ZNF841: variants seen among roughly 807,000 people sequenced by gnomAD.
ZNF841 encodes zinc finger protein 841.
ZNF841 carries 11 observed loss-of-function variants against 13.0 expected under a neutral mutation model. The ratio of observed to expected loss-of-function variants is 0.85; its 90% CI spans 0.53 to 1.40. The LOEUF is 1.40. ZNF841 is among the 40% of genes most tolerant of loss of function. The pLI is 0.00. For synonymous variants in ZNF841, 369 were observed against 381.6 expected (o/e 0.97, Z 0.38); for missense variants, 1,068 against 1,139.5 (o/e 0.94, Z 0.90).
In ZNF841 at chr19:52,067,406, TG is replaced by T. The variant is rs1568536668; in HGVS notation, c.475del (p.His159IlefsTer17). The T allele has an allele frequency of 6.5e-7, 1 of 1,546,544 alleles. No homozygotes were observed. Among genetic ancestry groups the T allele is most frequent in the African/African-American group, 1.4e-5 (1 of 72,642 alleles). On this transcript the variant is annotated frameshift_variant, in exon 7 of 7. Coordinates refer to ENST00000594440, the MANE Select transcript of ZNF841 (RefSeq NM_001136499.2). LOFTEE classifies it low-confidence loss of function (END_TRUNC). The stretch of plus-strand genomic sequence containing the variant: ...TCTTTGACCAGTAAGATTGTTTTTA[TG>T]GGTCATCGGCCCTTCTTTATAATTT... ...EINYKEGPMT[H>X]KNNLTGQRVR... is the part of the protein sequence containing the mutation.
chr19:52,090,378 T>C (rs769424607), intron 2 of ZNF841, among the ~76,000 whole-genome samples: 45 of 151,792 alleles, frequency 3.0e-4, no homozygotes, highest in Non-Finnish European at 6.0e-4. Context: ...CTGGGCAACA[T>C]AGTGAGACTC....
At chr19:52,079,883 A>C (rs2088038686) in intron 4 of ZNF841, among the ~76,000 whole-genome samples, 2 of 151,052 alleles carry the variant, frequency 1.3e-5, no homozygotes, top group Admixed American at 1.3e-4. Context: ...CCCAGCTACT[A>C]GGGAGGCTGA....
chr19:52,082,026 G>C (rs972631215), intron 4 of ZNF841, among the ~76,000 whole-genome samples: 3 of 152,120 alleles, frequency 2.0e-5, no homozygotes, highest in African/African-American at 7.2e-5. Context: ...GAAAAATAAA[G>C]AGAGTCTAAA....
intron 2 of ZNF841, among the ~76,000 whole-genome samples, 160 bp downstream of exon 2, chr19:52,093,686 A>T (rs1305576469): frequency 6.6e-6 from 1 of 152,240 alleles, no homozygotes; most frequent in African/African-American, 2.4e-5. Flanking sequence ...GATGCCACCA[A>T]ATCTTATTTC....
chr19:52,078,544 A>T (rs566523248), intron 4 of ZNF841, among the ~76,000 whole-genome samples: 314 of 151,722 alleles, frequency 2.1e-3, no homozygotes, highest in Non-Finnish European at 3.3e-3. Context: ...CTAAAAATAC[A>T]AAAAATTAGC....
Position 52,067,590 on chromosome 19 carries a change from T to C in ZNF841, c.292A>G (p.Ile98Val), listed in dbSNP as rs1205017160. ...TTCTGTATTGGTGGTAATTCCTTGA[T>C]CACACATTTAGGAGAGATACCTGCA... ...VITGISPKCVIKELPPIQNSN... is the reference protein window; with the variant it reads ...VITGISPKCVVKELPPIQNSN... The change falls in exon 7 of 7, where the codon ATC becomes GTC. Residue 98 changes from isoleucine (I) to valine (V), a missense_variant. By Grantham distance (29) the Ile-to-Val change is conservative. Transcript: ENST00000594440. 4 of 1,543,804 alleles carry C rather than the reference T, an allele frequency of 2.6e-6. No individual in the cohort carries two copies. Among genetic ancestry groups the C allele is most frequent in the Non-Finnish European group, 3.5e-6 (4 of 1,150,454 alleles).
chr19:52,086,690 T>C (rs1339963597), intron 3 of ZNF841, among the ~76,000 whole-genome samples: 1 of 152,130 alleles, frequency 6.6e-6, no homozygotes, highest in Non-Finnish European at 1.5e-5. Context: ...CATTCCCACA[T>C]TGGGAAACAT....
rs966552028 is a variant in ZNF841 at position 52,092,462 on chromosome 19, C to T, written c.-144+1384G>A. Among the ~76,000 whole-genome samples the T allele has an allele frequency of 8.5e-5, 13 of 152,176 alleles. No homozygotes were observed. In the East Asian group the frequency reaches 2.1e-3, roughly 25 times the overall value. On this transcript the variant is annotated intron_variant, in intron 2 of 6. Coordinates refer to ENST00000594440, the MANE Select transcript of ZNF841 (RefSeq NM_001136499.2). The stretch of plus-strand genomic sequence containing the variant: ...ATAAGCTATCACCTCATACCTCTTA[C>T]GAAGGCTATTTTAAATAGGCAAGAG...
chr19:52,095,384 CG>C (rs886562517), intron 1 of ZNF841, among the ~76,000 whole-genome samples, 190 bp downstream of exon 1: 3 of 152,042 alleles, frequency 2.0e-5, no homozygotes, highest in African/African-American at 7.3e-5. Flanking sequence ...CGGAGGAGCT[CG>C]GGGATCGCGA....
intron 4 of ZNF841, among the ~76,000 whole-genome samples, chr19:52,082,244 CCATT>C (rs2088124761): frequency 6.6e-6 from 1 of 151,996 alleles, no homozygotes; most frequent in Non-Finnish European, 1.5e-5. Context: ...AAATTCATGG[CCATT>C]CAAACACAAA....
At chr19:52,084,696 A>T (rs2088211660) in intron 4 of ZNF841, 91 bp downstream of exon 4, 1 of 1,425,184 alleles carries the variant, frequency 7.0e-7, no homozygotes. Context: ...GTCAGGCAGG[A>T]TACTTCAGAC....
At position 52,084,896 on chromosome 19, in the gene ZNF841, G is replaced by A; in HGVS notation, c.-77-18C>T. 7.4e-7 allele frequency: 1 copy of A among 1,351,160 alleles called. No individual in the cohort carries two copies. Among genetic ancestry groups the A allele is most frequent in the Non-Finnish European group, 1.0e-6 (1 of 982,682 alleles). The allele number at this position is 1,351,160 out of a possible 1,614,324, so 83.7% of individuals were successfully genotyped here. A position where few individuals can be genotyped will look rare whatever the true frequency, so the allele number is the denominator to read the frequency against. ...AGTCAAATCTGAAAGTCAAAAATAT[G>A]TTGTTTAATCCTTGGAAACAACACA... On this transcript the variant is annotated intron_variant, in intron 3 of 6. Transcript: ENST00000594440.
intron 6 of ZNF841, among the ~76,000 whole-genome samples, 160 bp from the exon 7 acceptor site, chr19:52,067,770 T>C (rs2087628816): frequency 6.6e-6 from 1 of 152,156 alleles, no homozygotes; most frequent in South Asian, 2.1e-4. Context: ...TGAATAGAAT[T>C]CTATAGTAAA....
rs1167575970 is a variant in ZNF841, at chr19:52,077,073, T to C, written c.27A>G (p.Thr9=). MALPQGSL[T]FRDVAVEFSQ... ...AGAATTCTACAGCCACATCCCTGAA[T>C]GTCAAAGATCCCTGAAATGAAAAAC... Residue 9 remains threonine, a synonymous_variant, in exon 5 of 7, where the codon ACA becomes ACG. Transcript: ENST00000594440. 1.2e-6 allele frequency: 2 copies of C among 1,610,074 alleles called. No homozygotes were observed. The highest frequency in any genetic ancestry group is 3.4e-5 in the Admixed American group (2 of 59,296).
At chr19:52,092,288 C>T (rs941340784) in intron 2 of ZNF841, among the ~76,000 whole-genome samples, 1 of 152,182 alleles carries the variant, frequency 6.6e-6, no homozygotes, top group Non-Finnish European at 1.5e-5. Flanking sequence ...AAAACTCCTA[C>T]AATTCTACAG....
chr19:52,083,079 CAAA>C (rs60065931), intron 4 of ZNF841, among the ~76,000 whole-genome samples: 3 of 118,682 alleles, frequency 2.5e-5, no homozygotes, highest in Non-Finnish European at 5.3e-5. Context: ...GACTCCGTCT[CAAA>C]AAAAAAAAAA....
In ZNF841 at chr19:52,066,604, C is replaced by A. The variant is rs1280094880; in HGVS notation, c.1278G>T (p.Lys426Asn). Reference protein sequence around the residue: ...LTAHHIIHAGKKPYTCDVCGK... With the variant: ...LTAHHIIHAGNKPYTCDVCGK... Reference sequence around the variant, plus strand: ...CACATACATCACATGTATATGGTTTCTTTCCTGCATGGATTATATGATGTG... The same window carrying A: ...CACATACATCACATGTATATGGTTTATTTCCTGCATGGATTATATGATGTG... Residue 426 changes from lysine (K) to asparagine (N), a missense_variant, in exon 7 of 7, where the codon AAG (lysine) becomes AAT (asparagine). Coordinates refer to ENST00000594440, the MANE Select transcript of ZNF841 (RefSeq NM_001136499.2). 1 of 1,613,732 alleles carries A rather than the reference C, an allele frequency of 6.2e-7. No homozygotes were observed. Among genetic ancestry groups the A allele is most frequent in the South Asian group, 1.1e-5 (1 of 91,044 alleles).
chr19:52,078,631 A>G (rs912051440), intron 4 of ZNF841, among the ~76,000 whole-genome samples: 1 of 149,292 alleles, frequency 6.7e-6, no homozygotes, highest in Non-Finnish European at 1.5e-5. Context: ...CCCGGGAAGC[A>G]GGGCTTGCAG....
intron 4 of ZNF841, among the ~76,000 whole-genome samples, chr19:52,080,811 A>G (rs932626400): frequency 1.3e-5 from 2 of 152,214 alleles, no homozygotes; most frequent in Non-Finnish European, 2.9e-5. Context: ...CCCCAGCCAG[A>G]AAAGGTGTGG....
Sources: allele counts gnomAD v4.1 joint callset (sites outside exome capture counted in the v4.1 genomes callset), GRCh38; gene constraint gnomAD v4.1.1; transcripts MANE v1.5; gene names NCBI Gene and HGNC (gene_info 2026-07-23, HGNC 2026-07-21).